The following PARD3 variants were observed in gnomAD, a reference collection of about 807,000 sequenced individuals.
PARD3 encodes partitioning defective 3 homolog.
PARD3 carries 75 observed loss-of-function variants against 155.4 expected under a neutral mutation model. The observed-to-expected ratio is 0.48, with a 90% confidence interval of 0.40 to 0.58. PARD3 has a LOEUF of 0.58. PARD3 is among the 20% of genes least tolerant of loss of function. The probability of loss-of-function intolerance (pLI) is 0.00; values close to 1 mark genes in which losing one functional copy is unlikely to be tolerated. For missense variants in PARD3, 1,642 were observed against 1,721.7 expected, an observed-to-expected ratio of 0.95 and a Z score of 0.82; for synonymous variants, 576 against 610.5, an observed-to-expected ratio of 0.94 and a Z score of 0.83.
At chr10:34,501,705 G>A (rs183298259) in intron 3 of PARD3, among the ~76,000 whole-genome samples, 3 of 151,620 alleles carry the variant, frequency 2.0e-5, no homozygotes, top group Admixed American at 1.3e-4. Context: ...AATGTGGTAG[G>A]CAAAATAATG....
At chr10:34,305,987 T>C (rs1480325415) in intron 20 of PARD3, among the ~76,000 whole-genome samples, 1 of 151,252 alleles carries the variant, frequency 6.6e-6, no homozygotes, top group East Asian at 1.9e-4. Context: ...TAAAAAAATT[T>C]TTTTATTAAA....
At chr10:34,226,029 A>G (rs778346142) in intron 22 of PARD3, among the ~76,000 whole-genome samples, 1 of 152,214 alleles carries the variant, frequency 6.6e-6, no homozygotes, top group Non-Finnish European at 1.5e-5. Context: ...ACACTGGTAA[A>G]CCATATATCT....
intron 5 of PARD3, among the ~76,000 whole-genome samples, chr10:34,411,800 G>C (rs1248776471): frequency 6.6e-6 from 1 of 151,782 alleles, no homozygotes; most frequent in Non-Finnish European, 1.5e-5. Flanking sequence ...CATTCTACCA[G>C]TTCTGTTTCT....
chr10:34,696,616 TAC>T (rs913072141), intron 1 of PARD3, among the ~76,000 whole-genome samples, 197 bp from the exon 2 acceptor site: 5 of 151,726 alleles, frequency 3.3e-5, no homozygotes, highest in African/African-American at 7.3e-5. Flanking sequence ...GAGTGACTCA[TAC>T]ACACTCTTCC....
chr10:34,529,049 C>A (rs1780845927), intron 2 of PARD3, among the ~76,000 whole-genome samples: 1 of 152,142 alleles, frequency 6.6e-6, no homozygotes, highest in African/African-American at 2.4e-5. Flanking sequence ...CAAACAAAAA[C>A]AAAAGATGAT....
intron 8 of PARD3, among the ~76,000 whole-genome samples, chr10:34,383,386 A>T (rs976806038): frequency 1.1e-5 from 1 of 89,552 alleles, no homozygotes; most frequent in African/African-American, 8.1e-5. Context: ...TAAAATTTTT[A>T]AAATACACAC....
At position 34,473,598 on chromosome 10, in the gene PARD3, A is replaced by G. The variant is rs1403539327; in HGVS notation, c.404-3335T>C. 2.6e-5 allele frequency among the ~76,000 whole-genome samples: 4 copies of G among 152,106 alleles called. No homozygotes were observed. In the East Asian group the frequency reaches 7.7e-4, roughly 29 times the overall value. The stretch of plus-strand genomic sequence containing the variant: ...GTCCTAGTGTAGGAGGCAGGACTTG[A>G]CTGCAGAGGCAGGGCTTGGACACCA... On this transcript the variant is annotated intron_variant, in intron 3 of 24. Coordinates refer to ENST00000374788, the MANE Select transcript of PARD3 (RefSeq NM_001184785.2).
At chr10:34,570,807 G>C (rs949817683) in intron 2 of PARD3, among the ~76,000 whole-genome samples, 1 of 152,166 alleles carries the variant, frequency 6.6e-6, no homozygotes, top group African/African-American at 2.4e-5. Flanking sequence ...ACTCAGGAGG[G>C]AACAGGAGTT....
intron 3 of PARD3, among the ~76,000 whole-genome samples, chr10:34,487,213 G>A (rs781122010): frequency 2.0e-5 from 3 of 151,644 alleles, no homozygotes; most frequent in Non-Finnish European, 2.9e-5. Context: ...TTCTAAGGTC[G>A]GCCGGGCAGG....
intron 22 of PARD3, among the ~76,000 whole-genome samples, chr10:34,178,093 A>G (rs934520387): frequency 6.6e-6 from 1 of 152,244 alleles, no homozygotes. Flanking sequence ...TATGTTTGAC[A>G]TAAGTAACCT....
At chr10:34,163,491 C>T (rs1033676123) in intron 22 of PARD3, among the ~76,000 whole-genome samples, 3 of 152,098 alleles carry the variant, frequency 2.0e-5, no homozygotes, top group African/African-American at 7.2e-5. Flanking sequence ...GAACACTCAA[C>T]CACGGAAAAA....
intron 9 of PARD3, among the ~76,000 whole-genome samples, chr10:34,381,938 A>AAAAAAAAAAAAAAAG (rs1841896500): frequency 7.5e-6 from 1 of 133,818 alleles, no homozygotes; most frequent in African/African-American, 2.8e-5. Flanking sequence ...AAAAAAAAAA[A>AAAAAAAAAAAAAAAG]AAAGAAAGAA....
At chr10:34,567,407 T>C (rs916249315) in intron 2 of PARD3, among the ~76,000 whole-genome samples, 3 of 152,236 alleles carry the variant, frequency 2.0e-5, no homozygotes, top group Non-Finnish European at 2.9e-5. Context: ...TATATACATA[T>C]GCATGTGTGC....
At chr10:34,615,803 A>G (rs2490805) in intron 2 of PARD3, among the ~76,000 whole-genome samples, 53,615 of 152,062 alleles carry the variant, frequency 0.35, 9,753 homozygotes, top group South Asian at 0.43. Flanking sequence ...GAGTTCTCAA[A>G]AGAAGACATA....
At chr10:34,704,878 T>C (rs767971281) in intron 1 of PARD3, among the ~76,000 whole-genome samples, 2 of 152,214 alleles carry the variant, frequency 1.3e-5, no homozygotes, top group Non-Finnish European at 2.9e-5. Flanking sequence ...AAGTCCTAGT[T>C]AGTGATATAA....
chr10:34,655,284 A>T (rs1370733252), intron 2 of PARD3, among the ~76,000 whole-genome samples: 1 of 152,112 alleles, frequency 6.6e-6, no homozygotes, highest in African/African-American at 2.4e-5. Flanking sequence ...TTTCTCTTCT[A>T]AGGCCCCCAT....
At chr10:34,295,299 G>T (rs1299757349) in intron 20 of PARD3, among the ~76,000 whole-genome samples, 1 of 152,180 alleles carries the variant, frequency 6.6e-6, no homozygotes, top group African/African-American at 2.4e-5. Flanking sequence ...ATGTAAAAGG[G>T]ACAAGAAATT....
intron 17 of PARD3, 120 bp from the exon 18 acceptor site, chr10:34,336,363 C>A (rs1836188852): frequency 3.0e-6 from 2 of 676,464 alleles, no homozygotes; most frequent in South Asian, 3.7e-5. Context: ...CATGCAAATA[C>A]TATGAAACAT....
intron 3 of PARD3, among the ~76,000 whole-genome samples, chr10:34,509,204 T>C (rs890295909): frequency 2.0e-5 from 3 of 152,170 alleles, no homozygotes; most frequent in Non-Finnish European, 2.9e-5. Flanking sequence ...GAATATCTAG[T>C]AACCAGTTTC....
Sources: allele counts gnomAD v4.1 joint callset (sites outside exome capture counted in the v4.1 genomes callset), GRCh38; gene constraint gnomAD v4.1.1; transcripts MANE v1.5; gene names NCBI Gene and HGNC (gene_info 2026-07-23, HGNC 2026-07-21).